MTAP: variants seen among roughly 807,000 people sequenced by gnomAD.
The protein encoded by MTAP is S-methyl-5'-thioadenosine phosphorylase.
Under a neutral mutation model 33.6 loss-of-function variants are expected in MTAP, and 33 were observed. The ratio of observed to expected loss-of-function variants is 0.98; its 90% CI spans 0.74 to 1.31. The LOEUF (loss-of-function observed/expected upper bound fraction) is 1.31, where lower values mean the gene tolerates loss of function less well. MTAP is among the 40% of genes most tolerant of loss of function. The pLI is 0.00. For missense variants in MTAP, 367 were observed against 360.0 expected, an observed-to-expected ratio of 1.02 and a Z score of -0.16; for synonymous variants, 148 against 125.7, an observed-to-expected ratio of 1.18 and a Z score of -1.19.
intron 2 of MTAP, among the ~76,000 whole-genome samples, chr9:21,815,910 AT>A (rs1444032406): frequency 3.9e-5 from 6 of 152,186 alleles, no homozygotes; most frequent in African/African-American, 1.4e-4. Flanking sequence ...AGGATGAATT[AT>A]TGTTACGAAG....
In MTAP at chr9:21,810,335, A is replaced by G. The variant is rs112449213; in HGVS notation, c.34-5098A>G. On this transcript the variant is annotated intron_variant, in intron 1 of 7. Coordinates refer to ENST00000644715, the MANE Select transcript of MTAP (RefSeq NM_002451.4). ...TTTTCTTAGTCTGTTTTCTGTTGCT[A>G]TAACAGAATACCTGAGACAGGGTAA... Among the ~76,000 whole-genome samples the G allele has an allele frequency of 4.0e-4, 61 of 152,332 alleles. 1 individual carries two copies. Among genetic ancestry groups the G allele is most frequent in the African/African-American group, 1.4e-3 (58 of 41,568 alleles).
intron 1 of MTAP, 91 bp downstream of exon 1, chr9:21,802,872 C>T (rs1824087432): frequency 6.5e-7 from 1 of 1,546,048 alleles, no homozygotes; most frequent in South Asian, 1.2e-5. Flanking sequence ...GGGCCATGCG[C>T]CCGGCCCGTG....
At chr9:21,896,325 G>T (rs1404802053) in intron 1 of MTAP, among the ~76,000 whole-genome samples, 1 of 152,102 alleles carries the variant, frequency 6.6e-6, no homozygotes, top group African/African-American at 2.4e-5. Flanking sequence ...ACAATTAAAA[G>T]AACTAGAGAA....
At chr9:21,930,431 A>T (rs1818938648) in intron 1 of MTAP, 1 of 211,558 alleles carries the variant, frequency 4.7e-6, no homozygotes, top group African/African-American at 2.3e-5. Flanking sequence ...ACCCCTGGAC[A>T]TCTTTATACT....
chr9:21,836,808 G>T (rs561424066), intron 4 of MTAP, among the ~76,000 whole-genome samples: 19 of 152,254 alleles, frequency 1.2e-4, no homozygotes, highest in African/African-American at 4.1e-4. Context: ...GGTGGCCTTG[G>T]TGCCAGCTAA....
At chr9:21,887,138 T>C (rs1013479976) in intron 1 of MTAP, among the ~76,000 whole-genome samples, 5 of 152,152 alleles carry the variant, frequency 3.3e-5, no homozygotes, top group African/African-American at 9.7e-5. Flanking sequence ...TACTTTAAAT[T>C]TTAGGGTACA....
At chr9:21,885,027 A>T (rs1452723420) in intron 1 of MTAP, among the ~76,000 whole-genome samples, 1 of 152,178 alleles carries the variant, frequency 6.6e-6, no homozygotes, top group Non-Finnish European at 1.5e-5. Context: ...AAGGGCTTTC[A>T]GGGTACCGGA....
chr9:21,817,726 T>C (rs932502928), intron 3 of MTAP, among the ~76,000 whole-genome samples: 3 of 152,072 alleles, frequency 2.0e-5, no homozygotes, highest in Non-Finnish European at 4.4e-5. Context: ...GAGTGACTTA[T>C]AGCACGTTTA....
At chr9:21,822,486 T>C in intron 4 of MTAP, among the ~76,000 whole-genome samples, 1 of 152,114 alleles carries the variant, frequency 6.6e-6, no homozygotes, top group African/African-American at 2.4e-5. Context: ...TGCACTGTGG[T>C]CTGAGAGATA....
chr9:21,869,004 A>G (rs1224893237), downstream of MTAP, among the ~76,000 whole-genome samples: 2 of 152,118 alleles, frequency 1.3e-5, no homozygotes, highest in Non-Finnish European at 2.9e-5. Context: ...TGTCTTATGC[A>G]CCAGACCCCA....
At chr9:21,878,650 C>T (rs1826047284) in intron 1 of MTAP, among the ~76,000 whole-genome samples, 1 of 152,132 alleles carries the variant, frequency 6.6e-6, no homozygotes, top group Admixed American at 6.6e-5. Context: ...GCATGAGCCA[C>T]TGCACCCAGC....
chr9:21,802,722 C>T lies in MTAP; in HGVS notation c.-27C>T, dbSNP rs775269965. On this transcript the variant is annotated 5_prime_UTR_variant, in exon 1 of 8. Transcript: ENST00000644715. The stretch of plus-strand genomic sequence containing the variant: ...GTTCCCTTAGTCCCGAGCGCTCGCC[C>T]ACTGCAGATTCCTTTCCCGTGCAGA... 6.2e-7 allele frequency: 1 copy of T among 1,611,794 alleles called. No homozygotes were observed. Among genetic ancestry groups the T allele is most frequent in the African/African-American group, 1.3e-5 (1 of 74,790 alleles).
chr9:21,882,540 A>G (rs938537606), intron 1 of MTAP, among the ~76,000 whole-genome samples: 1 of 152,064 alleles, frequency 6.6e-6, no homozygotes, highest in Non-Finnish European at 1.5e-5. Flanking sequence ...TACAGTCAGC[A>G]TGAGATTTCT....
intron 5 of MTAP, among the ~76,000 whole-genome samples, chr9:21,852,398 C>T (rs1825534687): frequency 6.6e-6 from 1 of 151,178 alleles, no homozygotes; most frequent in Admixed American, 6.6e-5. Flanking sequence ...GTAATCCCAG[C>T]TAATCAGGAG....
chr9:21,885,622 T>C (rs1303119387), intron 1 of MTAP, among the ~76,000 whole-genome samples: 2 of 152,134 alleles, frequency 1.3e-5, no homozygotes. Flanking sequence ...ATCATTCTTG[T>C]GGCTTTGCAT....
chr9:21,823,811 C>G (rs1411067486), intron 4 of MTAP, among the ~76,000 whole-genome samples: 1 of 152,162 alleles, frequency 6.6e-6, no homozygotes, highest in Non-Finnish European at 1.5e-5. Context: ...TCGTTCATTT[C>G]TTTTTACTCT....
At chr9:21,869,103 CA>C (rs1825897507), downstream of MTAP, among the ~76,000 whole-genome samples, 1 of 152,136 alleles carries the variant, frequency 6.6e-6, no homozygotes, top group Admixed American at 6.5e-5. Context: ...TTTCAGCACA[CA>C]AATATACTTT....
rs1825843090 is a variant in MTAP at position 21,865,727 on chromosome 9, T to G, written c.*3713T>G. 1 of 1,039,542 alleles carries G rather than the reference T, an allele frequency of 9.6e-7. No homozygotes were observed. Among genetic ancestry groups the G allele is most frequent in the African/African-American group, 1.7e-5 (1 of 58,974 alleles). 64.4% of individuals were successfully genotyped at this position (1,039,542 alleles called of 1,614,324 possible). ...CAGGGCCTGTTGCCAGCTATGCCTTTGAGAACCTCGGGATCCCAAAGAATG... is the reference window on the plus strand; with the variant it reads ...CAGGGCCTGTTGCCAGCTATGCCTTGGAGAACCTCGGGATCCCAAAGAATG... On this transcript the variant is annotated 3_prime_UTR_variant, in exon 8 of 8. Transcript: ENST00000644715.
chr9:21,864,257 T>A lies in MTAP; in HGVS notation c.*2243T>A, dbSNP rs906093832. On this transcript the variant is annotated 3_prime_UTR_variant, in exon 8 of 8. Transcript: ENST00000644715. ...TTTGTTCTCAATCATTCACTCCTTA[T>A]GCAAAGCCAATATAATTTTCCTCAT... 1 of 985,456 alleles carries A rather than the reference T, an allele frequency of 1.0e-6. No homozygotes were observed. The highest frequency in any genetic ancestry group is 4.7e-5 in the South Asian group (1 of 21,288). 61.0% of individuals were successfully genotyped at this position (985,456 alleles called of 1,614,324 possible).
Sources: gnomAD v4.1 joint callset for allele counts (sites outside exome capture counted in the v4.1 genomes callset) on GRCh38, gnomAD v4.1.1 for gene constraint, MANE v1.5 for transcripts, NCBI Gene and HGNC (gene_info 2026-07-23, HGNC 2026-07-21) for gene names.